Variants in MYO16 observed in about 807,000 individuals in gnomAD.
MYO16 encodes the protein unconventional myosin-XVI.
Under a neutral mutation model 205.3 loss-of-function variants are expected in MYO16, and 94 were observed. The ratio of observed to expected loss-of-function variants is 0.46; its 90% CI spans 0.39 to 0.54. MYO16 has a LOEUF of 0.54. Ranked by LOEUF, MYO16 falls within the 20% of genes least tolerant of loss-of-function variation. MYO16 has a pLI of 0.00. For synonymous variants in MYO16, 988 were observed against 954.0 expected (o/e 1.04, Z -0.66); for missense variants, 2,315 against 2,387.5 (o/e 0.97, Z 0.63).
At chr13:109,203,689 GCC>G (rs1045211388) in intron 34 of MYO16, among the ~76,000 whole-genome samples, 5 of 152,120 alleles carry the variant, frequency 3.3e-5, no homozygotes, top group African/African-American at 1.2e-4. Flanking sequence ...GCAGCCTTGT[GCC>G]CCACACACTT....
chr13:108,793,211 G>A (rs1020621251), intron 5 of MYO16, among the ~76,000 whole-genome samples: 7 of 151,884 alleles, frequency 4.6e-5, no homozygotes, highest in South Asian at 4.2e-4. Context: ...GCGTGAACCC[G>A]GGAGGTGGAG....
At chr13:108,818,918 C>A (rs1449757032) in intron 7 of MYO16, among the ~76,000 whole-genome samples, 1 of 152,180 alleles carries the variant, frequency 6.6e-6, no homozygotes, top group Non-Finnish European at 1.5e-5. Flanking sequence ...ATGCTCTATT[C>A]TTTTACACCC....
chr13:108,782,492 G>T (rs1886333431), intron 4 of MYO16, among the ~76,000 whole-genome samples: 1 of 152,198 alleles, frequency 6.6e-6, no homozygotes. Flanking sequence ...GCCTGACGAT[G>T]TGGTAGAAAA....
intron 34 of MYO16, among the ~76,000 whole-genome samples, chr13:109,197,017 A>G (rs1157295697): frequency 2.0e-5 from 3 of 152,114 alleles, no homozygotes; most frequent in African/African-American, 7.2e-5. Context: ...GCCATCCCAA[A>G]ATAATAATTT....
chr13:109,062,125 C>T (rs1034046888), intron 27 of MYO16, among the ~76,000 whole-genome samples: 1 of 151,992 alleles, frequency 6.6e-6, no homozygotes, highest in African/African-American at 2.4e-5. Context: ...ATTATTTTTA[C>T]CTTTGCTTTT....
chr13:108,647,852 A>C (rs1219003224), intron 1 of MYO16, among the ~76,000 whole-genome samples: 2 of 152,244 alleles, frequency 1.3e-5, no homozygotes, highest in Non-Finnish European at 2.9e-5. Flanking sequence ...CATATAGCAA[A>C]TTCCAAATAA....
chr13:109,041,224 A>T (rs1886874253), intron 23 of MYO16, among the ~76,000 whole-genome samples: 1 of 152,190 alleles, frequency 6.6e-6, no homozygotes, highest in Admixed American at 6.5e-5. Flanking sequence ...AAAAAGAAAG[A>T]CATTTCATGT....
chr13:108,716,512 G>C (rs1331946919), intron 3 of MYO16, among the ~76,000 whole-genome samples: 1 of 152,202 alleles, frequency 6.6e-6, no homozygotes, highest in Admixed American at 6.5e-5. Flanking sequence ...TTTTCCTGGG[G>C]TTACCAAATA....
chr13:109,000,387 GA>G (rs1278259108), intron 21 of MYO16, among the ~76,000 whole-genome samples: 10 of 152,182 alleles, frequency 6.6e-5, no homozygotes, highest in African/African-American at 2.4e-4. Context: ...GGCCCAGTGG[GA>G]ATTCAGAGGC....
chr13:109,108,480 A>G (rs934174540), intron 28 of MYO16, among the ~76,000 whole-genome samples: 78 of 152,352 alleles, frequency 5.1e-4, no homozygotes, highest in African/African-American at 1.8e-3. Flanking sequence ...CCTATGCCTA[A>G]TCCAACTTTG....
chr13:109,006,834 G>A (rs1421000745), intron 21 of MYO16, among the ~76,000 whole-genome samples: 1 of 152,102 alleles, frequency 6.6e-6, no homozygotes, highest in Non-Finnish European at 1.5e-5. Context: ...AAAAGAAGTG[G>A]GTATAGGCAG....
intron 6 of MYO16, 98 bp from the exon 7 acceptor site, chr13:108,806,581 C>T (rs911229420): frequency 1.9e-4 from 186 of 997,562 alleles, no homozygotes; most frequent in Non-Finnish European, 4.8e-5. Context: ...TATTTTAGAT[C>T]CACCATTTCA....
chr13:109,142,773 G>A (rs566359168), intron 32 of MYO16, among the ~76,000 whole-genome samples: 2 of 152,210 alleles, frequency 1.3e-5, no homozygotes, highest in South Asian at 4.1e-4. Context: ...GCATGAAGTG[G>A]CCAATGGGAA....
chr13:108,598,661 G>A (rs551832900), intron 1 of MYO16, among the ~76,000 whole-genome samples: 11 of 152,036 alleles, frequency 7.2e-5, no homozygotes, highest in African/African-American at 1.4e-4. Flanking sequence ...GAATAAGTAC[G>A]TGTTGAATTC....
intron 32 of MYO16, among the ~76,000 whole-genome samples, chr13:109,161,936 A>G (rs1220204708): frequency 6.6e-6 from 1 of 152,082 alleles, no homozygotes; most frequent in Non-Finnish European, 1.5e-5. Flanking sequence ...AAAAAATACA[A>G]AAATTAGCCG....
chr13:108,739,513 G>A (rs533105922), intron 4 of MYO16, among the ~76,000 whole-genome samples: 2 of 152,324 alleles, frequency 1.3e-5, no homozygotes, highest in South Asian at 2.1e-4. Context: ...TGTGCTGATA[G>A]TCTGATAGGC....
At chr13:108,629,480 G>C (rs944801801), upstream of MYO16, 3 of 200,578 alleles carry the variant, frequency 1.5e-5, no homozygotes, top group African/African-American at 4.6e-5. Flanking sequence ...AGGCAGGACC[G>C]GGAGAGCCGC....
intron 33 of MYO16, among the ~76,000 whole-genome samples, chr13:109,166,268 G>C (rs551593648): frequency 6.6e-6 from 1 of 152,092 alleles, no homozygotes; most frequent in Admixed American, 6.5e-5. Context: ...TAAGGAAATC[G>C]TCAAATGGAA....
chr13:108,953,842 A>G (rs1215650975), intron 16 of MYO16, among the ~76,000 whole-genome samples: 2 of 152,220 alleles, frequency 1.3e-5, no homozygotes, highest in African/African-American at 4.8e-5. Flanking sequence ...GGAGAAGTTT[A>G]AGCATTGTAT....
Sources: allele counts gnomAD v4.1 joint callset (sites outside exome capture counted in the v4.1 genomes callset), GRCh38; gene constraint gnomAD v4.1.1; transcripts MANE v1.5; gene names NCBI Gene and HGNC (gene_info 2026-07-23, HGNC 2026-07-21).